The following DLD variants were observed in gnomAD, a reference collection of about 807,000 sequenced individuals.
The protein encoded by DLD is dihydrolipoyl dehydrogenase, mitochondrial.
A neutral mutation model predicts 62.2 loss-of-function variants in DLD; 36 were observed. That is an observed-to-expected ratio of 0.58 (90% confidence interval 0.44 to 0.76). The LOEUF is 0.76. DLD is among the 30% of genes least tolerant of loss of function. The pLI is 0.00. For missense variants in DLD, 541 were observed against 608.6 expected (o/e 0.89, Z 1.17); for synonymous variants, 204 against 199.6 (o/e 1.02, Z -0.19).
At chr7:107,895,923 A>G (rs530459146) in intron 2 of DLD, among the ~76,000 whole-genome samples, 96 of 152,324 alleles carry the variant, frequency 6.3e-4, no homozygotes, top group African/African-American at 1.6e-3. Context: ...CCAAGAGCCT[A>G]AAGTAGTGTT....
chr7:107,909,397 A>G (rs1448560767), intron 8 of DLD, among the ~76,000 whole-genome samples: 2 of 152,248 alleles, frequency 1.3e-5, no homozygotes, highest in African/African-American at 4.8e-5. Flanking sequence ...TCACGTCATT[A>G]GTACAAATTT....
In DLD at chr7:107,905,448, A is replaced by G; in HGVS notation, c.526A>G (p.Thr176Ala). 1 of 1,613,864 alleles carries G rather than the reference A, an allele frequency of 6.2e-7. No individual in the cohort carries two copies. The highest frequency in any genetic ancestry group is 8.5e-7 in the Non-Finnish European group (1 of 1,179,766). ...KADGGTQVIDTKNILIATGSE... is the reference protein window; with the variant it reads ...KADGGTQVIDAKNILIATGSE... Reference sequence around the variant, plus strand: ...TGATGGCGGCACTCAGGTTATTGATACAAAGAACATTCTTATAGCCACGGG... The same window carrying G: ...TGATGGCGGCACTCAGGTTATTGATGCAAAGAACATTCTTATAGCCACGGG... The change falls in exon 7 of 14, where the codon ACA (threonine) becomes GCA (alanine). Residue 176 changes from threonine (T) to alanine (A), a missense_variant. Coordinates refer to ENST00000205402, the MANE Select transcript of DLD (RefSeq NM_000108.5).
chr7:107,898,826 G>A (rs970623985), intron 2 of DLD, among the ~76,000 whole-genome samples: 2 of 151,312 alleles, frequency 1.3e-5, no homozygotes, highest in Non-Finnish European at 2.9e-5. Flanking sequence ...CGCCTGCCTC[G>A]GCCTCCCAAA....
Position 107,893,258 on chromosome 7 carries a change from G to A in DLD, c.98G>A (p.Arg33Lys). ...GLQGLSAVPL[R>K]TYADQPIDAD... Reference sequence around the variant, plus strand: ...CAGGGACTTTCTGCAGTGCCTCTGAGAACTTACGCAGATCAGCCGAGTAAG... The same window carrying A: ...CAGGGACTTTCTGCAGTGCCTCTGAAAACTTACGCAGATCAGCCGAGTAAG... Residue 33 changes from arginine to lysine, a missense_variant, in exon 2 of 14, where the codon AGA becomes AAA. By Grantham distance (26) the Arg-to-Lys change is conservative. Coordinates refer to ENST00000205402, the MANE Select transcript of DLD (RefSeq NM_000108.5). The A allele has an allele frequency of 6.2e-7, 1 of 1,613,128 alleles. No homozygotes were observed.
intron 4 of DLD, 145 bp downstream of exon 4, chr7:107,902,538 T>TA (rs2031904030): frequency 1.0e-5 from 8 of 771,046 alleles, no homozygotes; most frequent in Admixed American, 6.2e-5. Flanking sequence ...AAAAGAATGA[T>TA]AAAAAACACA....
intron 11 of DLD, 31 bp from the exon 12 acceptor site, chr7:107,917,893 T>TA: frequency 6.2e-7 from 1 of 1,613,808 alleles, no homozygotes; most frequent in African/African-American, 1.3e-5. Context: ...TTCTGGCAGT[T>TA]ACGTAGATTC....
In DLD at chr7:107,917,922, A is replaced by G. The variant is rs2032310019; in HGVS notation, c.1237-2A>G. On this transcript the variant is annotated splice_acceptor_variant, in intron 11 of 13. Transcript: ENST00000205402. LOFTEE classifies it high-confidence loss of function. ...TAGATTCTTTTTTTCTGACTGTCAC[A>G]GGGTATTGAGTACAAAGTTGGGAAA... is the stretch of plus-strand genomic sequence containing the variant. 1 of 1,613,882 alleles carries G rather than the reference A, an allele frequency of 6.2e-7. No homozygotes were observed. The highest frequency in any genetic ancestry group is 8.5e-7 in the Non-Finnish European group (1 of 1,179,922).
upstream of DLD, chr7:107,891,135 C>T (rs903994673): frequency 1.5e-6 from 2 of 1,361,360 alleles, no homozygotes; most frequent in Non-Finnish European, 2.1e-6. Flanking sequence ...CGCGCTGCTC[C>T]CGGGTGATGA....
intron 8 of DLD, among the ~76,000 whole-genome samples, chr7:107,911,386 A>G (rs1280609865): frequency 6.6e-6 from 1 of 152,128 alleles, no homozygotes; most frequent in Admixed American, 6.5e-5. Context: ...TCCATTCATC[A>G]TGGGTGGACA....
intron 2 of DLD, among the ~76,000 whole-genome samples, chr7:107,894,516 G>C (rs1451655143): frequency 6.6e-6 from 1 of 152,208 alleles, no homozygotes; most frequent in Non-Finnish European, 1.5e-5. Flanking sequence ...CTAATATGAT[G>C]ATGAAGGGAA....
chr7:107,891,111 C>T, upstream of DLD: 1 of 1,086,230 alleles, frequency 9.2e-7, no homozygotes, highest in Admixed American at 2.0e-5. Flanking sequence ...TGCGGTAGAA[C>T]CGCGCGGGCC....
intron 2 of DLD, among the ~76,000 whole-genome samples, chr7:107,901,299 T>G (rs2031869548): frequency 2.0e-5 from 3 of 152,110 alleles, no homozygotes; most frequent in Non-Finnish European, 4.4e-5. Context: ...ACAGAAAGGT[T>G]AAGTCATTGG....
chr7:107,901,819 T>A lies in DLD; in HGVS notation c.198+2T>A, dbSNP rs767418482. 1 of 1,612,056 alleles carries A rather than the reference T, an allele frequency of 6.2e-7. No homozygotes were observed. The highest frequency in any genetic ancestry group is 2.2e-5 in the East Asian group (1 of 44,782). On this transcript the variant is annotated splice_donor_variant, in intron 3 of 13. Transcript: ENST00000205402. LOFTEE classifies it high-confidence loss of function. ...AAAGCTGCCCAGTTAGGCTTCAAGG[T>A]AAGGTTTGAACTCAAACTAAGTATT...
chr7:107,892,687 A>C (rs574476610), intron 1 of DLD, among the ~76,000 whole-genome samples: 1 of 152,222 alleles, frequency 6.6e-6, no homozygotes, highest in Admixed American at 6.5e-5. Context: ...CTGGGATTAC[A>C]GGCACCCACC....
At chr7:107,892,061 T>C (rs2031593217) in intron 1 of DLD, among the ~76,000 whole-genome samples, 1 of 152,188 alleles carries the variant, frequency 6.6e-6, no homozygotes, top group Non-Finnish European at 1.5e-5. Flanking sequence ...GTCATGCTTT[T>C]AGGGAGCGGC....
At chr7:107,909,218 C>G (rs184849182) in intron 8 of DLD, among the ~76,000 whole-genome samples, 2 of 152,140 alleles carry the variant, frequency 1.3e-5, no homozygotes, top group African/African-American at 2.4e-5. Context: ...TTAATTTAAT[C>G]TTGTTCACTC....
rs1051190599 is a variant in DLD, at chr7:107,920,119, A to G, written c.*860A>G. ...GCATTTTAAAGGTCATCATCCTTTC[A>G]TCTATTTTAGATACACCTACTAAAT... On this transcript the variant is annotated 3_prime_UTR_variant, in exon 14 of 14. Transcript: ENST00000205402. 7.2e-5 allele frequency: 11 copies of G among 152,310 alleles called. No individual in the cohort carries two copies. The highest frequency in any genetic ancestry group is 5.9e-4 in the Admixed American group (9 of 15,278). 9.4% of individuals were successfully genotyped at this position (152,310 alleles called of 1,614,324 possible). A position where few individuals can be genotyped will look rare whatever the true frequency, so the allele number is the denominator to read the frequency against.
chr7:107,905,117 A>G (rs2031972453), intron 6 of DLD, 59 bp downstream of exon 6: 2 of 1,255,614 alleles, frequency 1.6e-6, no homozygotes, highest in Admixed American at 3.6e-5. Flanking sequence ...ACTTTGCATT[A>G]TAGAGTGATG....
intron 2 of DLD, among the ~76,000 whole-genome samples, chr7:107,897,055 G>A (rs1396645000): frequency 4.6e-5 from 7 of 151,970 alleles, no homozygotes; most frequent in African/African-American, 9.7e-5. Flanking sequence ...TGCTGGTCTC[G>A]AACTCCTGAC....
Sources: allele counts gnomAD v4.1 joint callset (sites outside exome capture counted in the v4.1 genomes callset), GRCh38; gene constraint gnomAD v4.1.1; transcripts MANE v1.5; gene names NCBI Gene and HGNC (gene_info 2026-07-23, HGNC 2026-07-21).